The following ITGB1 variants were observed in gnomAD, a reference collection of about 807,000 sequenced individuals.
ITGB1 encodes integrin subunit beta 1, also known as integrin beta-1.
A neutral mutation model predicts 86.5 loss-of-function variants in ITGB1; 24 were observed. The observed-to-expected ratio is 0.28, with a 90% CI of 0.20 to 0.39. ITGB1 has a LOEUF of 0.39. Among genes scored for constraint, ITGB1 ranks in the 10% least tolerant of loss-of-function variants. The probability of loss-of-function intolerance (pLI) is 1.00; values close to 1 mark genes in which losing one functional copy is unlikely to be tolerated. For missense variants in ITGB1, 556 were observed against 946.9 expected (o/e 0.59, Z 5.42); for synonymous variants, 323 against 316.8 (o/e 1.02, Z -0.21).
chr10:32,919,846 C>T lies in ITGB1; in HGVS notation c.1469+39G>A, dbSNP rs775002495. 1.1e-5 allele frequency: 18 copies of T among 1,571,184 alleles called. No homozygotes were observed. In the South Asian group the frequency reaches 1.9e-4, roughly 16 times the overall value. On this transcript the variant is annotated intron_variant, in intron 11 of 15. Transcript: ENST00000302278. ...TATGACCTGCCTATACTCTCTAAAC[C>T]AATGTAGCTCTGTCACTGTCTGACA...
chr10:32,926,584 C>T (rs2094965568), intron 5 of ITGB1, among the ~76,000 whole-genome samples: 1 of 152,158 alleles, frequency 6.6e-6, no homozygotes, highest in Non-Finnish European at 1.5e-5. Context: ...AGCCTGCTCC[C>T]CACTTTGCCT....
At chr10:32,937,075 G>C (rs1406803035) in intron 1 of ITGB1, among the ~76,000 whole-genome samples, 3 of 151,974 alleles carry the variant, frequency 2.0e-5, no homozygotes, top group Non-Finnish European at 2.9e-5. Flanking sequence ...TCCAGCTACT[G>C]GGAATTTACC....
intron 1 of ITGB1, among the ~76,000 whole-genome samples, chr10:32,939,837 A>G (rs1461881946): frequency 6.6e-6 from 1 of 152,200 alleles, no homozygotes. Context: ...TATACACAGT[A>G]CTGTGGACAC....
intron 1 of ITGB1, chr10:32,951,841 A>G (rs1269330128): frequency 6.6e-6 from 1 of 152,190 alleles, no homozygotes; most frequent in Non-Finnish European, 1.5e-5. Context: ...TTGTGAGTGG[A>G]GCCAGCAAAA....
intron 15 of ITGB1, among the ~76,000 whole-genome samples, chr10:32,906,086 C>CAT (rs2094895529): frequency 6.6e-6 from 1 of 151,942 alleles, no homozygotes; most frequent in Non-Finnish European, 1.5e-5. Flanking sequence ...ATATAATATA[C>CAT]ATACATATAT....
chr10:32,903,082 T>A (rs1004688066), intron 15 of ITGB1, among the ~76,000 whole-genome samples: 1 of 152,042 alleles, frequency 6.6e-6, no homozygotes, highest in Non-Finnish European at 1.5e-5. Flanking sequence ...GCAGGCGCGG[T>A]GGCTCATGCC....
chr10:32,920,982 A>AAAACAC (rs2094947699), intron 9 of ITGB1, among the ~76,000 whole-genome samples: 1 of 149,732 alleles, frequency 6.7e-6, no homozygotes, highest in South Asian at 2.1e-4. Flanking sequence ...GACTCCATCT[A>AAAACAC]AAAAACAAAA....
intron 11 of ITGB1, among the ~76,000 whole-genome samples, chr10:32,914,548 A>C (rs1307406202): frequency 6.6e-6 from 1 of 152,204 alleles, no homozygotes. Context: ...TAAACCAACA[A>C]AGATCAAAAG....
At position 32,939,722 on chromosome 10, in the gene ITGB1, AAGTGAGTGAGTGAGTG is replaced by A. The variant is rs3035177; in HGVS notation, c.1-4180_1-4165del. On this transcript the variant is annotated intron_variant, in intron 1 of 15. Coordinates refer to ENST00000302278, the MANE Select transcript of ITGB1 (RefSeq NM_002211.4). ...AGCTGCTCTGGATGGCTGGGTGGGT[AAGTGAGTGAGTGAGTG>A]AGTGAGTGAGTGAGTGAGTGAGTGA... Among the ~76,000 whole-genome samples, 392 of 149,874 alleles carry A rather than the reference AAGTGAGTGAGTGAGTG, an allele frequency of 2.6e-3. 2 individuals are homozygous for A. The highest frequency in any genetic ancestry group is 8.1e-3 in the African/African-American group (328 of 40,502).
chr10:32,922,859 G>C, intron 7 of ITGB1, 124 bp from the exon 8 acceptor site: 4 of 578,944 alleles, frequency 6.9e-6, no homozygotes, highest in East Asian at 6.0e-5. Context: ...TAGATAACTA[G>C]ATTACATATA....
chr10:32,950,942 T>C (rs1231807424), intron 1 of ITGB1, among the ~76,000 whole-genome samples: 2 of 152,106 alleles, frequency 1.3e-5, no homozygotes, highest in Admixed American at 6.5e-5. Flanking sequence ...AAATGAAATA[T>C]GGAAGATTTT....
chr10:32,920,338 G>T lies in ITGB1; in HGVS notation c.1176C>A (p.Gly392=), dbSNP rs2230396. Residue 392 remains glycine, a synonymous_variant, in exon 10 of 16, where the codon GGC becomes GGA. Transcript: ENST00000302278. ...VILENGKLSE[G]VTISYKSYCK... ...AGTAAGATTTGTAACTTATTGTTAC[G>T]CCTTCTGACAATTTGCCGTTTTCCA... 0.88 allele frequency: 1,411,688 copies of T among 1,611,972 alleles called. 620,981 individuals carry two copies. Among genetic ancestry groups the T allele is most frequent in the Admixed American group, 0.9 (53,724 of 59,982 alleles).
chr10:32,907,895 G>A (rs988468814), intron 15 of ITGB1, among the ~76,000 whole-genome samples: 1 of 152,122 alleles, frequency 6.6e-6, no homozygotes, highest in Non-Finnish European at 1.5e-5. Context: ...TTGTGTTGGG[G>A]CCACATTCAA....
At chr10:32,924,372 C>T (rs1245300175) in intron 6 of ITGB1, among the ~76,000 whole-genome samples, 1 of 152,230 alleles carries the variant, frequency 6.6e-6, no homozygotes, top group Non-Finnish European at 1.5e-5. Context: ...ATCTTCTTGT[C>T]ACTATGGTAA....
At chr10:32,920,964 C>T (rs2094947622) in intron 9 of ITGB1, among the ~76,000 whole-genome samples, 1 of 151,516 alleles carries the variant, frequency 6.6e-6, no homozygotes, top group Non-Finnish European at 1.5e-5. Context: ...GCCTGAGCAA[C>T]AGAGTGCGAC....
chr10:32,957,187 C>T (rs886820544), intron 1 of ITGB1, among the ~76,000 whole-genome samples: 1 of 152,174 alleles, frequency 6.6e-6, no homozygotes, highest in African/African-American at 2.4e-5. Context: ...GTTCCTATTT[C>T]ACAGATGAGG....
intron 9 of ITGB1, among the ~76,000 whole-genome samples, chr10:32,920,905 C>A (rs921857502): frequency 6.6e-6 from 1 of 151,742 alleles, no homozygotes; most frequent in South Asian, 2.1e-4. Context: ...ATCGCCTGAA[C>A]CCGGGAGGCA....
intron 1 of ITGB1, among the ~76,000 whole-genome samples, chr10:32,951,467 A>G (rs1031321435): frequency 7.9e-5 from 12 of 152,104 alleles, no homozygotes; most frequent in Admixed American, 2.6e-4. Flanking sequence ...GAGAAACGGG[A>G]AAAAAATGAA....
chr10:32,928,250 A>T lies in ITGB1; in HGVS notation c.391T>A (p.Phe131Ile), dbSNP rs1480577740. 1 of 880,960 alleles carries T rather than the reference A, an allele frequency of 1.1e-6. No homozygotes were observed. Among genetic ancestry groups the T allele is most frequent in the Non-Finnish European group, 1.9e-6 (1 of 516,560 alleles). 54.6% of individuals were successfully genotyped at this position (880,960 alleles called of 1,614,324 possible). Residue 131 changes from phenylalanine to isoleucine, a missense_variant, in exon 5 of 16, where the codon TTT becomes ATT. By Grantham distance (21) the Phe-to-Ile change is conservative. Transcript: ENST00000302278. ...LRLRSGEPQT[F>I]TLKFKRAEDY... ...TCAGCTCTCTTGAATTTTAATGTAAATGTCTGTGGCTCCCCTAATTAGACA... is the reference window on the plus strand; with the variant it reads ...TCAGCTCTCTTGAATTTTAATGTAATTGTCTGTGGCTCCCCTAATTAGACA...
Sources: allele counts gnomAD v4.1 joint callset (sites outside exome capture counted in the v4.1 genomes callset), GRCh38; gene constraint gnomAD v4.1.1; transcripts MANE v1.5; gene names NCBI Gene and HGNC (gene_info 2026-07-23, HGNC 2026-07-21).